The following DCDC2 variants were observed in gnomAD, a reference collection of about 807,000 sequenced individuals.
DCDC2 encodes doublecortin domain-containing protein 2.
In DCDC2, 40 loss-of-function variants were observed where a neutral mutation model predicts 50.2. That is an observed-to-expected ratio of 0.80 (90% CI 0.62 to 1.04). The LOEUF (loss-of-function observed/expected upper bound fraction) is 1.04, where lower values mean the gene tolerates loss of function less well. Among genes scored for constraint, DCDC2 ranks in the 50% least tolerant of loss-of-function variants. DCDC2 has a pLI of 0.00. For missense variants in DCDC2, 570 were observed against 581.9 expected, an observed-to-expected ratio of 0.98 and a Z score of 0.21; for synonymous variants, 234 against 210.6, an observed-to-expected ratio of 1.11 and a Z score of -0.96.
intron 2 of DCDC2, among the ~76,000 whole-genome samples, chr6:24,308,462 T>C (rs1201818061): frequency 1.3e-5 from 2 of 152,198 alleles, no homozygotes; most frequent in East Asian, 1.9e-4. Flanking sequence ...TGCTTTTTCC[T>C]GGGGATAATT....
intron 9 of DCDC2, among the ~76,000 whole-genome samples, chr6:24,175,523 T>G (rs1215493597): frequency 6.6e-6 from 1 of 152,156 alleles, no homozygotes; most frequent in Non-Finnish European, 1.5e-5. Flanking sequence ...ACAGAGTAGC[T>G]CCAGGTTCCC....
intron 2 of DCDC2, among the ~76,000 whole-genome samples, chr6:24,302,855 C>T (rs1220570489): frequency 6.6e-6 from 1 of 151,956 alleles, no homozygotes; most frequent in Non-Finnish European, 1.5e-5. Context: ...TCACCTCACC[C>T]CTCACCTAAC....
intron 1 of DCDC2, 133 bp downstream of exon 1, chr6:24,357,325 G>A: frequency 2.8e-6 from 3 of 1,058,554 alleles, no homozygotes; most frequent in Admixed American, 2.9e-5. Context: ...GAGTTTTGAG[G>A]GGCATCAATC....
At chr6:24,209,554 C>T (rs1761809763) in intron 7 of DCDC2, among the ~76,000 whole-genome samples, 1 of 152,116 alleles carries the variant, frequency 6.6e-6, no homozygotes, top group African/African-American at 2.4e-5. Flanking sequence ...TTTTGCCACA[C>T]ACTGCCCACC....
intron 6 of DCDC2, among the ~76,000 whole-genome samples, chr6:24,283,760 G>A (rs1030191922): frequency 2.6e-5 from 4 of 152,092 alleles, no homozygotes; most frequent in African/African-American, 4.8e-5. Flanking sequence ...GTTAAAAATC[G>A]AGCTTGTGAC....
chr6:24,321,632 C>G (rs1309038117), intron 2 of DCDC2, among the ~76,000 whole-genome samples: 1 of 152,112 alleles, frequency 6.6e-6, no homozygotes, highest in Non-Finnish European at 1.5e-5. Context: ...CTACTTAGGC[C>G]TTTTGTCAAC....
Position 24,340,872 on chromosome 6 carries a change from C to T in DCDC2, c.348+12697G>A, listed in dbSNP as rs369745921. On this transcript the variant is annotated intron_variant, in intron 2 of 9. Coordinates refer to ENST00000378454, the MANE Select transcript of DCDC2 (RefSeq NM_016356.5). The stretch of plus-strand genomic sequence containing the variant: ...TCCCGAGTAGCTGGGACTACAGGCA[C>T]GTACCACTATGCCTGGCTAATTTTT... Among the ~76,000 whole-genome samples the T allele has an allele frequency of 1.4e-4, 22 of 152,246 alleles. No individual in the cohort carries two copies. The East Asian group carries it at 3.5e-3, about 24-fold the overall frequency.
intron 7 of DCDC2, among the ~76,000 whole-genome samples, chr6:24,241,195 A>G (rs544675357): frequency 6.6e-6 from 1 of 152,228 alleles, no homozygotes; most frequent in Non-Finnish European, 1.5e-5. Flanking sequence ...TGTAAAGGAA[A>G]AACAATGGCC....
At chr6:24,328,244 A>C (rs1223422597) in intron 2 of DCDC2, among the ~76,000 whole-genome samples, 1 of 152,212 alleles carries the variant, frequency 6.6e-6, no homozygotes, top group African/African-American at 2.4e-5. Flanking sequence ...AGTTGTTGAC[A>C]ACTGAGGATT....
At position 24,172,296 on chromosome 6, in the gene DCDC2, T is replaced by A; in HGVS notation, c.*2434A>T. On this transcript the variant is annotated 3_prime_UTR_variant, in exon 10 of 10. Coordinates refer to ENST00000378454, the MANE Select transcript of DCDC2 (RefSeq NM_016356.5). ...TTCATCCCCTCAAAGTAGGTCACAATTGTATCTTGTCAACAAGTGGTAAAA... is the reference window on the plus strand; with the variant it reads ...TTCATCCCCTCAAAGTAGGTCACAAATGTATCTTGTCAACAAGTGGTAAAA... 1 of 152,220 alleles carries A rather than the reference T, an allele frequency of 6.6e-6. No individual in the cohort carries two copies. The highest frequency in any genetic ancestry group is 1.9e-4 in the East Asian group (1 of 5,202). The allele number at this position is 152,220 out of a possible 1,614,324, so 9.4% of individuals were successfully genotyped here.
At chr6:24,255,709 T>C (rs1762886875) in intron 7 of DCDC2, among the ~76,000 whole-genome samples, 1 of 152,066 alleles carries the variant, frequency 6.6e-6, no homozygotes, top group Non-Finnish European at 1.5e-5. Context: ...TCATTATTCA[T>C]CAGGAAATGG....
At chr6:24,353,364 G>A (rs561630775) in intron 2 of DCDC2, 1 of 647,046 alleles carries the variant, frequency 1.5e-6, no homozygotes, top group African/African-American at 1.8e-5. Flanking sequence ...GACATATCCT[G>A]CACATCTTAG....
rs367680574 is a variant in DCDC2 at position 24,337,436 on chromosome 6, C to T, written c.348+16133G>A. Among the ~76,000 whole-genome samples the T allele has an allele frequency of 6.7e-4, 102 of 152,020 alleles. 2 individuals carry two copies. In the South Asian group the frequency reaches 0.018, roughly 27 times the overall value. ...TTTGCAAAGCCAAAAAAAAAAATGT[C>T]AATTGAGAATACAACTAAAATAATT... On this transcript the variant is annotated intron_variant, in intron 2 of 9. Transcript: ENST00000378454.
chr6:24,264,610 CA>C (rs1451419242), intron 7 of DCDC2, among the ~76,000 whole-genome samples: 3 of 146,296 alleles, frequency 2.1e-5, no homozygotes, highest in Non-Finnish European at 3.0e-5. Context: ...AACCTCAAGT[CA>C]AAAAAAAACT....
At chr6:24,242,481 C>T (rs1235867971) in intron 7 of DCDC2, among the ~76,000 whole-genome samples, 4 of 152,172 alleles carry the variant, frequency 2.6e-5, no homozygotes, top group Non-Finnish European at 5.9e-5. Flanking sequence ...CCACTGGCAC[C>T]TTCGCTGTGA....
chr6:24,213,461 GA>G (rs1200419449), intron 7 of DCDC2, among the ~76,000 whole-genome samples: 2 of 151,610 alleles, frequency 1.3e-5, no homozygotes, highest in Admixed American at 6.6e-5. Context: ...ATCCTAAGAA[GA>G]AAAAAAAGTC....
chr6:24,366,624 A>C, the DCDC2 span, among the ~76,000 whole-genome samples: 2 of 152,256 alleles, frequency 1.3e-5, no homozygotes. Context: ...TGCAGGAAGA[A>C]GGGATGCACC....
the DCDC2 span, among the ~76,000 whole-genome samples, chr6:24,363,866 T>C: frequency 1.3e-5 from 2 of 152,330 alleles, no homozygotes; most frequent in East Asian, 1.9e-4. Flanking sequence ...AACACAGATC[T>C]ATCCATTTCA....
intron 5 of DCDC2, 28 bp downstream of exon 5, chr6:24,290,904 A>T (rs1336006423): frequency 6.3e-7 from 1 of 1,591,016 alleles, no homozygotes; most frequent in South Asian, 1.1e-5. Flanking sequence ...TAACTAAAGC[A>T]TGAGGAGTGG....
Sources: allele counts gnomAD v4.1 joint callset (sites outside exome capture counted in the v4.1 genomes callset), GRCh38; gene constraint gnomAD v4.1.1; transcripts MANE v1.5; gene names NCBI Gene and HGNC (gene_info 2026-07-23, HGNC 2026-07-21).